The following RFX3 variants were observed in gnomAD, a reference collection of about 807,000 sequenced individuals.
The protein encoded by RFX3 is regulatory factor X3.
In RFX3, 14 loss-of-function variants were observed where a neutral mutation model predicts 98.6. The observed-to-expected ratio is 0.14, with a 90% CI of 0.09 to 0.22. The LOEUF (loss-of-function observed/expected upper bound fraction) is 0.22, where lower values mean the gene tolerates loss of function less well. Ranked by LOEUF, RFX3 falls within the 10% of genes least tolerant of loss-of-function variation. The probability of loss-of-function intolerance (pLI) is 1.00; values close to 1 mark genes in which losing one functional copy is unlikely to be tolerated. For synonymous variants in RFX3, 383 were observed against 328.4 expected (o/e 1.17, Z -1.80); for missense variants, 639 against 926.9 (o/e 0.69, Z 4.03).
At chr9:3,443,430 C>T (rs542532077) in intron 1 of RFX3, among the ~76,000 whole-genome samples, 1 of 152,258 alleles carries the variant, frequency 6.6e-6, no homozygotes, top group East Asian at 1.9e-4. Flanking sequence ...CATTCAGCTC[C>T]CACTTACAAG....
At chr9:3,436,467 T>C (rs951605546) in intron 1 of RFX3, among the ~76,000 whole-genome samples, 19 of 152,066 alleles carry the variant, frequency 1.2e-4, no homozygotes, top group African/African-American at 4.6e-4. Flanking sequence ...ATTATATTTT[T>C]AGTAAAAAGA....
At chr9:3,361,130 G>C (rs890138454) in intron 2 of RFX3, among the ~76,000 whole-genome samples, 2 of 152,122 alleles carry the variant, frequency 1.3e-5, no homozygotes, top group African/African-American at 4.8e-5. Context: ...TGGGATATTA[G>C]AACAGTTACG....
intron 1 of RFX3, among the ~76,000 whole-genome samples, chr9:3,402,166 TA>T (rs1841537470): frequency 6.6e-6 from 1 of 152,168 alleles, no homozygotes; most frequent in African/African-American, 2.4e-5. Context: ...TGGGCTAGCT[TA>T]AAAATAGGTA....
At chr9:3,385,149 C>G (rs1839569246) in intron 2 of RFX3, among the ~76,000 whole-genome samples, 1 of 152,122 alleles carries the variant, frequency 6.6e-6, no homozygotes, top group South Asian at 2.1e-4. Flanking sequence ...AGGGTAGGTG[C>G]TCTGTTTAAA....
chr9:3,259,538 C>T (rs1299117431), intron 13 of RFX3, among the ~76,000 whole-genome samples: 2 of 150,850 alleles, frequency 1.3e-5, no homozygotes, highest in African/African-American at 4.9e-5. Flanking sequence ...GAAAAGTAGT[C>T]AGGAACTTCA....
At chr9:3,463,228 T>C (rs1245520151) in intron 1 of RFX3, among the ~76,000 whole-genome samples, 10 of 152,122 alleles carry the variant, frequency 6.6e-5, no homozygotes. Flanking sequence ...CACATATATA[T>C]GGTCAACTGA....
chr9:3,369,965 A>G (rs1417632930), intron 2 of RFX3, among the ~76,000 whole-genome samples: 1 of 149,162 alleles, frequency 6.7e-6, no homozygotes, highest in African/African-American at 2.5e-5. Context: ...AGTAGCTGGG[A>G]CTACAGGCGC....
chr9:3,416,876 A>G (rs1385628270), intron 1 of RFX3, among the ~76,000 whole-genome samples: 1 of 152,148 alleles, frequency 6.6e-6, no homozygotes, highest in East Asian at 1.9e-4. Flanking sequence ...CAGTAGATTT[A>G]AATCCAACCG....
At chr9:3,449,080 C>T (rs948352643) in intron 1 of RFX3, among the ~76,000 whole-genome samples, 2 of 152,106 alleles carry the variant, frequency 1.3e-5, no homozygotes, top group African/African-American at 4.8e-5. Flanking sequence ...TTTTCAACCC[C>T]CTCTGTACCT....
chr9:3,499,932 T>C (rs1219425871), intron 1 of RFX3, among the ~76,000 whole-genome samples: 1 of 152,148 alleles, frequency 6.6e-6, no homozygotes, highest in Non-Finnish European at 1.5e-5. Flanking sequence ...TATTCTGAGC[T>C]GGGAACCCTT....
chr9:3,431,390 C>T (rs1008152731), intron 1 of RFX3, among the ~76,000 whole-genome samples: 3 of 152,098 alleles, frequency 2.0e-5, no homozygotes, highest in African/African-American at 4.8e-5. Context: ...AGATTAAGGT[C>T]TGCGGCTGAG....
At chr9:3,451,482 G>A (rs572241669) in intron 1 of RFX3, among the ~76,000 whole-genome samples, 4 of 152,158 alleles carry the variant, frequency 2.6e-5, no homozygotes, top group South Asian at 2.1e-4. Flanking sequence ...AGGTCGAGGC[G>A]GCAGTGAGCT....
chr9:3,375,401 C>A (rs1167106104), intron 2 of RFX3, among the ~76,000 whole-genome samples: 1 of 152,188 alleles, frequency 6.6e-6, no homozygotes, highest in African/African-American at 2.4e-5. Context: ...CCATGGCATG[C>A]TGCGGCCACA....
intron 1 of RFX3, among the ~76,000 whole-genome samples, chr9:3,396,366 T>G (rs1049149220): frequency 1.9e-4 from 29 of 152,190 alleles, no homozygotes; most frequent in Admixed American, 1.0e-3. Context: ...CAAAGGACAT[T>G]AACTCATCAT....
At chr9:3,278,920 T>C (rs1291589741) in intron 7 of RFX3, among the ~76,000 whole-genome samples, 1 of 151,840 alleles carries the variant, frequency 6.6e-6, no homozygotes, top group Non-Finnish European at 1.5e-5. Flanking sequence ...TTGATTGCTG[T>C]TTTCTAATGA....
At chr9:3,321,597 A>C (rs139866746) in intron 4 of RFX3, among the ~76,000 whole-genome samples, 6 of 152,298 alleles carry the variant, frequency 3.9e-5, no homozygotes, top group Non-Finnish European at 8.8e-5. Context: ...AAATTTAAAA[A>C]ATTAGTCCTT....
chr9:3,449,760 G>T (rs954924312), intron 1 of RFX3, among the ~76,000 whole-genome samples: 1 of 151,986 alleles, frequency 6.6e-6, no homozygotes, highest in African/African-American at 2.4e-5. Flanking sequence ...GGCTGAGGCA[G>T]GAGGATCGTT....
Position 3,293,507 on chromosome 9 carries a change from C to T in RFX3, c.550-249G>A, listed in dbSNP as rs79133200. On this transcript the variant is annotated intron_variant, in intron 5 of 16. Transcript: ENST00000617270. ...TCAAATATTCAAGCACACGTAGAGACATACTAATTTTCCCTGTATTGATTC... is the reference window on the plus strand; with the variant it reads ...TCAAATATTCAAGCACACGTAGAGATATACTAATTTTCCCTGTATTGATTC... Among the ~76,000 whole-genome samples the T allele has an allele frequency of 3.3e-3, 495 of 152,244 alleles. 6 individuals are homozygous for T. The highest frequency in any genetic ancestry group is 0.011 in the African/African-American group (470 of 41,538).
chr9:3,248,120 C>T lies in RFX3; in HGVS notation c.1880G>A (p.Arg627His), dbSNP rs969921241. 3.7e-6 allele frequency: 6 copies of T among 1,613,772 alleles called. No homozygotes were observed. Among genetic ancestry groups the T allele is most frequent in the Middle Eastern group, 1.6e-4 (1 of 6,062 alleles). The change falls in exon 15 of 17, where the codon CGT becomes CAT. Residue 627 changes from arginine to histidine, a missense_variant. Arg to His is a conservative substitution (Grantham distance 29). Around this residue, in one of 9 missense-constraint regions of RFX3, gnomAD observed 138 missense variants for 308.9 expected, o/e 0.45. Transcript: ENST00000617270. ...AAACATATATTCGTCGTAGAGTAGA[C>T]GGATCAGGTGGAAGGAGCCAAAGCT... ...AASFGSFHLI[R>H]LLYDEYMFYL... is the part of the protein sequence containing the mutation.
Sources: allele counts gnomAD v4.1 joint callset (sites outside exome capture counted in the v4.1 genomes callset), GRCh38; gene constraint gnomAD v4.1.1; regional missense constraint gnomAD v4.1.1; transcripts MANE v1.5; gene names NCBI Gene and HGNC (gene_info 2026-07-23, HGNC 2026-07-21).